Variants in GNAL observed in about 807,000 individuals in gnomAD.
The protein encoded by GNAL is G protein subunit alpha L, also known as guanine nucleotide-binding protein G(olf) subunit alpha.
GNAL carries 18 observed loss-of-function variants against 55.1 expected under a neutral mutation model. The ratio of observed to expected loss-of-function variants is 0.33; its 90% CI spans 0.23 to 0.48. The LOEUF (loss-of-function observed/expected upper bound fraction) is 0.48. Ranked by LOEUF, GNAL falls within the 20% of genes least tolerant of loss-of-function variation. The pLI is 0.99. For synonymous variants in GNAL, 253 were observed against 237.0 expected, an observed-to-expected ratio of 1.07 and a Z score of -0.62; for missense variants, 412 against 614.1, an observed-to-expected ratio of 0.67 and a Z score of 3.48.
At chr18:11,879,324 G>A (rs927448246) in intron 11 of GNAL, among the ~76,000 whole-genome samples, 1 of 152,032 alleles carries the variant, frequency 6.6e-6, no homozygotes, top group South Asian at 2.1e-4. Context: ...GAGGGGATGA[G>A]GAGGAGGCCC....
intron 5 of GNAL, among the ~76,000 whole-genome samples, chr18:11,826,716 C>T (rs983537677): frequency 3.9e-5 from 6 of 152,130 alleles, no homozygotes; most frequent in African/African-American, 1.4e-4. Context: ...CCATTTACTG[C>T]AAAGGGGACA....
intron 4 of GNAL, among the ~76,000 whole-genome samples, chr18:11,808,538 A>T (rs2034724253): frequency 6.6e-6 from 1 of 152,240 alleles, no homozygotes; most frequent in African/African-American, 2.4e-5. Context: ...AAGTTATTAA[A>T]TGTTCAGAGA....
At chr18:11,784,277 G>T (rs974345547) in intron 4 of GNAL, among the ~76,000 whole-genome samples, 1 of 152,248 alleles carries the variant, frequency 6.6e-6, no homozygotes, top group Admixed American at 6.5e-5. Flanking sequence ...GCCCTAATGG[G>T]CCTTACCCCT....
chr18:11,809,636 G>A (rs1408918803), intron 4 of GNAL, among the ~76,000 whole-genome samples: 1 of 152,112 alleles, frequency 6.6e-6, no homozygotes, highest in African/African-American at 2.4e-5. Context: ...GAGAGGCTGA[G>A]ACATGAAACT....
chr18:11,852,284 A>T (rs944783515), intron 5 of GNAL: 1 of 761,754 alleles, frequency 1.3e-6, no homozygotes, highest in Non-Finnish European at 2.1e-6. Context: ...GTATTTCTGC[A>T]CTCTTAGCTG....
At chr18:11,720,709 T>A (rs932836784) in intron 1 of GNAL, among the ~76,000 whole-genome samples, 2 of 152,236 alleles carry the variant, frequency 1.3e-5, no homozygotes, top group African/African-American at 4.8e-5. Flanking sequence ...TAAATGGATG[T>A]CGAAATTTGG....
intron 1 of GNAL, among the ~76,000 whole-genome samples, chr18:11,699,705 T>C (rs2031513386): frequency 6.6e-6 from 1 of 152,154 alleles, no homozygotes; most frequent in African/African-American, 2.4e-5. Flanking sequence ...TCGCTAGGGA[T>C]GGACAGACAG....
At chr18:11,851,926 A>G (rs1328011169) in intron 5 of GNAL, 1 of 1,613,928 alleles carries the variant, frequency 6.2e-7, no homozygotes, top group Non-Finnish European at 8.5e-7. Flanking sequence ...GATGAGCAGC[A>G]CGACGACGCT....
At chr18:11,827,248 G>C (rs1179925874) in intron 5 of GNAL, among the ~76,000 whole-genome samples, 1 of 152,036 alleles carries the variant, frequency 6.6e-6, no homozygotes, top group Non-Finnish European at 1.5e-5. Context: ...CCGTAGAAAG[G>C]GTTAGCCACC....
intron 4 of GNAL, among the ~76,000 whole-genome samples, chr18:11,769,061 A>G (rs1264823891): frequency 1.1e-5 from 1 of 91,764 alleles, no homozygotes; most frequent in South Asian, 2.5e-4. Flanking sequence ...TATAATATAT[A>G]TTATAATATA....
intron 4 of GNAL, among the ~76,000 whole-genome samples, chr18:11,766,524 T>C (rs1012734009): frequency 1.3e-5 from 2 of 152,206 alleles, no homozygotes; most frequent in African/African-American, 4.8e-5. Flanking sequence ...ACAGAATGGT[T>C]GGCCTTAAAC....
At chr18:11,818,118 A>G (rs2035006359) in intron 4 of GNAL, among the ~76,000 whole-genome samples, 1 of 152,034 alleles carries the variant, frequency 6.6e-6, no homozygotes, top group East Asian at 1.9e-4. Context: ...CTGTAGTCTC[A>G]GCTAGTCAGG....
chr18:11,831,757 C>G (rs2035388178), intron 5 of GNAL, among the ~76,000 whole-genome samples: 1 of 152,242 alleles, frequency 6.6e-6, no homozygotes, highest in African/African-American at 2.4e-5. Flanking sequence ...CAATTCTTAC[C>G]TAGCCTTGTC....
chr18:11,758,315 A>G (rs1034467474), intron 4 of GNAL, among the ~76,000 whole-genome samples: 10 of 152,204 alleles, frequency 6.6e-5, no homozygotes, highest in African/African-American at 2.4e-4. Context: ...GGTAGCTTAC[A>G]TGGGGATGAT....
chr18:11,807,015 C>T (rs1290109797), intron 4 of GNAL, among the ~76,000 whole-genome samples: 6 of 151,948 alleles, frequency 3.9e-5, no homozygotes, highest in African/African-American at 1.2e-4. Flanking sequence ...AAAAATTAGC[C>T]GGGCATGGTG....
chr18:11,851,098 A>G (rs2035847581), intron 5 of GNAL, among the ~76,000 whole-genome samples: 1 of 152,160 alleles, frequency 6.6e-6, no homozygotes, highest in Non-Finnish European at 1.5e-5. Context: ...AGCGTGGGTA[A>G]TTTTACACGC....
intron 1 of GNAL, among the ~76,000 whole-genome samples, chr18:11,744,410 T>G (rs2032643855): frequency 6.6e-6 from 1 of 152,136 alleles, no homozygotes; most frequent in Non-Finnish European, 1.5e-5. Flanking sequence ...CGTTAAAATT[T>G]TTATCATGAT....
At chr18:11,830,142 C>T (rs1431044716) in intron 5 of GNAL, among the ~76,000 whole-genome samples, 1 of 152,200 alleles carries the variant, frequency 6.6e-6, no homozygotes, top group African/African-American at 2.4e-5. Context: ...TCCGTACTCA[C>T]TCGCCTTTCC....
At chr18:11,693,522 G>A (rs1295098448) in intron 1 of GNAL, among the ~76,000 whole-genome samples, 1 of 152,082 alleles carries the variant, frequency 6.6e-6, no homozygotes, top group Non-Finnish European at 1.5e-5. Flanking sequence ...ATTTTATTAG[G>A]CTTTAAAATG....
Sources: allele counts gnomAD v4.1 joint callset (sites outside exome capture counted in the v4.1 genomes callset), GRCh38; gene constraint gnomAD v4.1.1; transcripts MANE v1.5; gene names NCBI Gene and HGNC (gene_info 2026-07-23, HGNC 2026-07-21).